The following DYNC1LI1 variants were observed in gnomAD, a reference collection of about 807,000 sequenced individuals.
The protein encoded by DYNC1LI1 is cytoplasmic dynein 1 light intermediate chain 1.
DYNC1LI1 carries 19 observed loss-of-function variants against 63.8 expected under a neutral mutation model. That is an observed-to-expected ratio of 0.30 (90% CI 0.21 to 0.44). The LOEUF (loss-of-function observed/expected upper bound fraction) is 0.44. Ranked by LOEUF, DYNC1LI1 falls within the 20% of genes least tolerant of loss-of-function variation. DYNC1LI1 has a pLI of 1.00. For missense variants in DYNC1LI1, 565 were observed against 630.2 expected (o/e 0.90, Z 1.11); for synonymous variants, 225 against 232.3 (o/e 0.97, Z 0.28).
intron 8 of DYNC1LI1, chr3:32,532,132 C>G (rs1472843262): frequency 6.6e-6 from 1 of 152,008 alleles, no homozygotes; most frequent in African/African-American, 2.4e-5. Flanking sequence ...AGCAGTGTAT[C>G]TTCTGGGATC....
intron 2 of DYNC1LI1, among the ~76,000 whole-genome samples, chr3:32,559,487 C>T (rs1213384073): frequency 6.6e-6 from 1 of 152,162 alleles, no homozygotes; most frequent in East Asian, 1.9e-4. Context: ...GATCTGCCCA[C>T]CCTGGCCTCC....
chr3:32,552,214 C>A (rs1698052428), intron 2 of DYNC1LI1, among the ~76,000 whole-genome samples: 1 of 152,188 alleles, frequency 6.6e-6, no homozygotes, highest in South Asian at 2.1e-4. Flanking sequence ...AATATTACCT[C>A]CTCAGGTAGG....
intron 2 of DYNC1LI1, among the ~76,000 whole-genome samples, chr3:32,561,027 A>AAAAAAC (rs1559444455): frequency 7.1e-6 from 1 of 141,076 alleles, no homozygotes; most frequent in African/African-American, 3.0e-5. Flanking sequence ...AAAAAAAAAA[A>AAAAAAC]AAAAAACAAA....
At chr3:32,548,648 G>T (rs1175087377) in intron 2 of DYNC1LI1, among the ~76,000 whole-genome samples, 3 of 152,162 alleles carry the variant, frequency 2.0e-5, no homozygotes, top group Non-Finnish European at 2.9e-5. Context: ...ATTTCAGTTA[G>T]ACAGGAGGAA....
chr3:32,562,987 C>T (rs1698213205), intron 2 of DYNC1LI1, among the ~76,000 whole-genome samples: 1 of 152,048 alleles, frequency 6.6e-6, no homozygotes, highest in Admixed American at 6.6e-5. Flanking sequence ...CAGATACCAC[C>T]TCATCCGCAA....
At chr3:32,569,369 C>A (rs958791238) in intron 2 of DYNC1LI1, among the ~76,000 whole-genome samples, 2 of 152,112 alleles carry the variant, frequency 1.3e-5, no homozygotes, top group Non-Finnish European at 2.9e-5. Context: ...GTAATTTTTT[C>A]TATGTAAACA....
At position 32,530,438 on chromosome 3, in the gene DYNC1LI1, C is replaced by T. The variant is rs1697680053; in HGVS notation, c.1140+23G>A. On this transcript the variant is annotated intron_variant, in intron 9 of 12. Coordinates refer to ENST00000273130, the MANE Select transcript of DYNC1LI1 (RefSeq NM_016141.4). ...AGTTTACCCATTAACCATACTAAGTCTGCTTCTGATATAATTTCATACCTG... is the reference window on the plus strand; with the variant it reads ...AGTTTACCCATTAACCATACTAAGTTTGCTTCTGATATAATTTCATACCTG... 3 of 1,610,844 alleles carry T rather than the reference C, an allele frequency of 1.9e-6. No homozygotes were observed. In the Admixed American group the frequency reaches 5.0e-5, roughly 27 times the overall value.
chr3:32,539,979 T>C (rs1376926657), intron 5 of DYNC1LI1, among the ~76,000 whole-genome samples: 1 of 142,690 alleles, frequency 7.0e-6, no homozygotes, highest in Admixed American at 7.0e-5. Context: ...ATTCTCCCGC[T>C]TCAGCCTCCT....
chr3:32,570,352 G>C lies in DYNC1LI1; in HGVS notation c.214C>G (p.Leu72Val), dbSNP rs1698329536. ...SKLPAGKNVL[L>V]LGEDGAGKTS... ...CGAGGCAGGGAACACTTACCCAGCA[G>C]TAGCACGTTCTTCCCCGCAGGGAGC... The change falls in exon 2 of 13, where the codon CTG becomes GTG. Residue 72 changes from leucine (L) to valine (V), a missense_variant. By Grantham distance (32) the Leu-to-Val change is conservative. Transcript: ENST00000273130. The C allele has an allele frequency of 1.2e-6, 2 of 1,601,258 alleles. No homozygotes were observed. Among genetic ancestry groups the C allele is most frequent in the Non-Finnish European group, 1.7e-6 (2 of 1,174,436 alleles).
At chr3:32,559,437 C>G (rs1698160274) in intron 2 of DYNC1LI1, among the ~76,000 whole-genome samples, 1 of 152,070 alleles carries the variant, frequency 6.6e-6, no homozygotes, top group Non-Finnish European at 1.5e-5. Flanking sequence ...CAAGATTTCA[C>G]CATGCTGCCC....
At chr3:32,549,054 T>G in intron 2 of DYNC1LI1, among the ~76,000 whole-genome samples, 1 of 152,146 alleles carries the variant, frequency 6.6e-6, no homozygotes. Context: ...AAATAAAATA[T>G]AAAAATATTT....
chr3:32,526,282 T>C lies in DYNC1LI1; in HGVS notation c.*517A>G, dbSNP rs541050393. The C allele has an allele frequency of 6.5e-6, 1 of 152,916 alleles. No individual in the cohort carries two copies. The highest frequency in any genetic ancestry group is 6.5e-5 in the Admixed American group (1 of 15,318). The allele number at this position is 152,916 out of a possible 1,614,324, so 9.5% of individuals were successfully genotyped here. Reference sequence around the variant, plus strand: ...GTGTATCAAACGCTATCTGATAGTTTTCTTAGCATATTCCGTGTGTGGTGG... The same window carrying C: ...GTGTATCAAACGCTATCTGATAGTTCTCTTAGCATATTCCGTGTGTGGTGG... On this transcript the variant is annotated 3_prime_UTR_variant, in exon 13 of 13. Transcript: ENST00000273130.
At chr3:32,566,849 G>GT (rs1366045386) in intron 2 of DYNC1LI1, 1 of 299,332 alleles carries the variant, frequency 3.3e-6, no homozygotes, top group Non-Finnish European at 6.6e-6. Context: ...CAATTTAGAG[G>GT]TTAGAACCTA....
chr3:32,567,059 G>A (rs1239754691), intron 2 of DYNC1LI1, among the ~76,000 whole-genome samples: 1 of 152,138 alleles, frequency 6.6e-6, no homozygotes, highest in African/African-American at 2.4e-5. Context: ...ATAAATATTT[G>A]GATTTTCCTT....
rs1697610449 is a variant in DYNC1LI1 at position 32,526,004 on chromosome 3, T to C, written c.*795A>G. 1 of 152,578 alleles carries C rather than the reference T, an allele frequency of 6.6e-6. No homozygotes were observed. The highest frequency in any genetic ancestry group is 1.5e-5 in the Non-Finnish European group (1 of 68,036). 9.5% of individuals were successfully genotyped at this position (152,578 alleles called of 1,614,324 possible). On this transcript the variant is annotated 3_prime_UTR_variant, in exon 13 of 13. Transcript: ENST00000273130. ...ACCTGAATGCAGAGAATAAATACTT[T>C]ATTAACTGATTACAGTTGAAAGTCA...
At chr3:32,557,870 C>A (rs550464073) in intron 2 of DYNC1LI1, among the ~76,000 whole-genome samples, 3 of 152,142 alleles carry the variant, frequency 2.0e-5, no homozygotes, top group Admixed American at 2.0e-4. Flanking sequence ...TACAATTACG[C>A]AAGTAGAGAG....
intron 2 of DYNC1LI1, among the ~76,000 whole-genome samples, chr3:32,562,510 A>C (rs1440992165): frequency 6.6e-6 from 1 of 152,050 alleles, no homozygotes; most frequent in East Asian, 1.9e-4. Flanking sequence ...AGCTATTTAA[A>C]AAATTTTTTT....
At chr3:32,568,237 A>G (rs752824386) in intron 2 of DYNC1LI1, among the ~76,000 whole-genome samples, 2 of 152,162 alleles carry the variant, frequency 1.3e-5, no homozygotes, top group Non-Finnish European at 2.9e-5. Flanking sequence ...CAAACTCATA[A>G]CAAAGAAAAC....
At chr3:32,537,469 C>T (rs1157363511) in intron 5 of DYNC1LI1, among the ~76,000 whole-genome samples, 1 of 152,008 alleles carries the variant, frequency 6.6e-6, no homozygotes, top group African/African-American at 2.4e-5. Flanking sequence ...AATCTAACAT[C>T]TATTTTAGTT....
Sources: gnomAD v4.1 joint callset for allele counts (sites outside exome capture counted in the v4.1 genomes callset) on GRCh38, gnomAD v4.1.1 for gene constraint, MANE v1.5 for transcripts, NCBI Gene and HGNC (gene_info 2026-07-23, HGNC 2026-07-21) for gene names.